The following DPYD variants were observed in gnomAD, a reference collection of about 807,000 sequenced individuals.
DPYD encodes dihydropyrimidine dehydrogenase.
Under a neutral mutation model 116.2 loss-of-function variants are expected in DPYD, and 109 were observed. That is an observed-to-expected ratio of 0.94 (90% CI 0.80 to 1.10). The LOEUF is 1.10. DPYD is among the 50% of genes least tolerant of loss of function. DPYD has a pLI of 0.00. For synonymous variants in DPYD, 440 were observed against 432.0 expected, an observed-to-expected ratio of 1.02 and a Z score of -0.23; for missense variants, 1,302 against 1,254.5, an observed-to-expected ratio of 1.04 and a Z score of -0.57.
intron 2 of DPYD, among the ~76,000 whole-genome samples, chr1:97,871,064 A>C (rs1671635482): frequency 6.6e-6 from 1 of 151,938 alleles, no homozygotes; most frequent in Non-Finnish European, 1.5e-5. Flanking sequence ...TTTTGTTCAG[A>C]GCACTGTATT....
At chr1:97,704,666 T>A (rs1661803792) in intron 5 of DPYD, among the ~76,000 whole-genome samples, 1 of 151,990 alleles carries the variant, frequency 6.6e-6, no homozygotes, top group Non-Finnish European at 1.5e-5. Context: ...CCTAAGAGAT[T>A]TTTTCTTAGA....
At chr1:97,683,657 A>G (rs886173054) in intron 7 of DPYD, among the ~76,000 whole-genome samples, 5 of 152,082 alleles carry the variant, frequency 3.3e-5, no homozygotes, top group African/African-American at 1.2e-4. Flanking sequence ...AGGTATAAAT[A>G]AACATCAGCT....
chr1:97,381,234 T>C (rs899925560), intron 15 of DPYD, among the ~76,000 whole-genome samples: 1 of 152,126 alleles, frequency 6.6e-6, no homozygotes, highest in African/African-American at 2.4e-5. Context: ...ATATGAAATG[T>C]GAAAAATATC....
chr1:97,751,460 G>GTGTGTGTGTATATA (rs763260651), intron 3 of DPYD, among the ~76,000 whole-genome samples: 43 of 21,280 alleles, frequency 2.0e-3, no homozygotes, highest in South Asian at 6.5e-3. Context: ...GTGTGTGTGT[G>GTGTGTGTGTATATA]TATATATATA....
At chr1:97,892,303 A>G (rs1672819300) in intron 1 of DPYD, among the ~76,000 whole-genome samples, 1 of 151,796 alleles carries the variant, frequency 6.6e-6, no homozygotes, top group Middle Eastern at 3.2e-3. Context: ...GTGGAGAACT[A>G]AATTTTTCAG....
At chr1:97,910,946 G>T (rs4399192) in intron 1 of DPYD, among the ~76,000 whole-genome samples, 107,956 of 151,886 alleles carry the variant, frequency 0.71, 39,102 homozygotes, top group East Asian at 0.93. Context: ...TTAAAATGTT[G>T]TTAAAATAAT....
chr1:97,651,212 G>A (rs1007972364), intron 8 of DPYD, among the ~76,000 whole-genome samples: 2 of 152,102 alleles, frequency 1.3e-5, no homozygotes, highest in African/African-American at 4.8e-5. Context: ...CCACATTTAT[G>A]TCTTGGATGA....
intron 14 of DPYD, among the ~76,000 whole-genome samples, chr1:97,421,864 G>A (rs1452132653): frequency 6.6e-6 from 1 of 152,164 alleles, no homozygotes; most frequent in Non-Finnish European, 1.5e-5. Flanking sequence ...AAACTGATAT[G>A]GGGGGATTTT....
chr1:97,902,989 C>A (rs1673437690), intron 1 of DPYD, among the ~76,000 whole-genome samples: 1 of 151,832 alleles, frequency 6.6e-6, no homozygotes, highest in Non-Finnish European at 1.5e-5. Context: ...AAACATTATT[C>A]CAAAGGATGA....
intron 11 of DPYD, among the ~76,000 whole-genome samples, chr1:97,550,340 A>T (rs972127477): frequency 6.6e-6 from 1 of 152,120 alleles, no homozygotes; most frequent in Non-Finnish European, 1.5e-5. Context: ...GTTAAAAGCA[A>T]CAAATGCAAA....
chr1:97,605,661 C>G (rs1402864792), intron 8 of DPYD, among the ~76,000 whole-genome samples: 1 of 151,994 alleles, frequency 6.6e-6, no homozygotes, highest in Admixed American at 6.6e-5. Context: ...AGCTGTTTAA[C>G]CTTGCATAAT....
intron 13 of DPYD, among the ~76,000 whole-genome samples, chr1:97,474,609 CTG>C (rs1232400902): frequency 2.0e-5 from 3 of 151,498 alleles, no homozygotes; most frequent in African/African-American, 7.3e-5. Flanking sequence ...TTCAGTTTTT[CTG>C]TCACAGTTTA....
At chr1:97,686,987 G>A (rs1161081537) in intron 7 of DPYD, among the ~76,000 whole-genome samples, 1 of 151,746 alleles carries the variant, frequency 6.6e-6, no homozygotes, top group Non-Finnish European at 1.5e-5. Flanking sequence ...GTGGACAAAG[G>A]AGGCCAGGCA....
chr1:97,513,003 T>C (rs1378526406), intron 13 of DPYD, among the ~76,000 whole-genome samples: 1 of 151,714 alleles, frequency 6.6e-6, no homozygotes, highest in Non-Finnish European at 1.5e-5. Flanking sequence ...ATTAAAAATA[T>C]GATCATTTGC....
intron 4 of DPYD, among the ~76,000 whole-genome samples, chr1:97,739,388 C>T (rs1006950412): frequency 2.0e-5 from 3 of 152,044 alleles, no homozygotes; most frequent in South Asian, 2.1e-4. Context: ...TCACAATAAG[C>T]GGTTTATCTA....
intron 2 of DPYD, among the ~76,000 whole-genome samples, chr1:97,859,540 T>G (rs1354933111): frequency 6.6e-6 from 1 of 152,066 alleles, no homozygotes; most frequent in African/African-American, 2.4e-5. Flanking sequence ...CGGTAGCAGT[T>G]CTCCTGTACA....
chr1:97,159,606 G>A (rs1443581362), intron 20 of DPYD, among the ~76,000 whole-genome samples: 1 of 151,888 alleles, frequency 6.6e-6, no homozygotes, highest in Non-Finnish European at 1.5e-5. Flanking sequence ...AGAAGCTTAA[G>A]GTAGATAAAT....
chr1:97,844,875 G>A (rs1170016723), intron 2 of DPYD, among the ~76,000 whole-genome samples: 1 of 152,206 alleles, frequency 6.6e-6, no homozygotes, highest in East Asian at 1.9e-4. Flanking sequence ...CCCCACCCAG[G>A]CACCTGCTCT....
chr1:97,183,518 C>A (rs1034555725), intron 20 of DPYD, among the ~76,000 whole-genome samples: 1 of 152,042 alleles, frequency 6.6e-6, no homozygotes, highest in African/African-American at 2.4e-5. Flanking sequence ...TATAGAAAAT[C>A]TTGAAGGCAG....
Sources: allele counts gnomAD v4.1 joint callset (sites outside exome capture counted in the v4.1 genomes callset), GRCh38; gene constraint gnomAD v4.1.1; transcripts MANE v1.5; gene names NCBI Gene and HGNC (gene_info 2026-07-23, HGNC 2026-07-21).